The following RFC3 variants were observed in gnomAD, a reference collection of about 807,000 sequenced individuals.
RFC3 encodes the protein replication factor C subunit 3.
RFC3 carries 41 observed loss-of-function variants against 45.1 expected under a neutral mutation model. That is an observed-to-expected ratio of 0.91 (90% confidence interval 0.71 to 1.18). The LOEUF is 1.18. Among genes scored for constraint, RFC3 ranks in the 50% most tolerant of loss-of-function variants. RFC3 has a pLI of 0.00. For synonymous variants in RFC3, 149 were observed against 144.0 expected (o/e 1.03, Z -0.25); for missense variants, 423 against 428.1 (o/e 0.99, Z 0.10).
intron 8 of RFC3, among the ~76,000 whole-genome samples, chr13:33,960,994 C>A (rs1342132813): frequency 6.6e-6 from 1 of 152,206 alleles, no homozygotes; most frequent in East Asian, 1.9e-4. Flanking sequence ...CAGTGAAATC[C>A]AGGACACCCA....
intron 8 of RFC3, among the ~76,000 whole-genome samples, chr13:33,881,163 A>G (rs1157097210): frequency 6.6e-6 from 1 of 152,222 alleles, no homozygotes; most frequent in Non-Finnish European, 1.5e-5. Context: ...AAAATTTAGT[A>G]AGATGTTTTA....
intron 8 of RFC3, among the ~76,000 whole-genome samples, chr13:33,961,793 G>T (rs1425263433): frequency 6.6e-6 from 1 of 152,232 alleles, no homozygotes; most frequent in East Asian, 1.9e-4. Flanking sequence ...AGAGACCAGA[G>T]ATTGGAAATA....
At chr13:33,911,621 G>A (rs2082704233) in intron 8 of RFC3, among the ~76,000 whole-genome samples, 1 of 152,044 alleles carries the variant, frequency 6.6e-6, no homozygotes, top group Admixed American at 6.6e-5. Flanking sequence ...TCAGAACATG[G>A]TGAAGAAGGA....
chr13:33,938,294 T>G (rs1163437511), intron 8 of RFC3, among the ~76,000 whole-genome samples: 1 of 152,098 alleles, frequency 6.6e-6, no homozygotes, highest in East Asian at 1.9e-4. Flanking sequence ...GGCATATTCT[T>G]CACTTCCTCA....
intron 2 of RFC3, among the ~76,000 whole-genome samples, chr13:33,823,381 A>AT (rs1566376926): frequency 1.3e-5 from 2 of 152,174 alleles, no homozygotes; most frequent in Non-Finnish European, 2.9e-5. Context: ...CAGAAAACAA[A>AT]ATGTCCATCA....
chr13:33,859,865 C>G (rs2082329869), intron 8 of RFC3, among the ~76,000 whole-genome samples: 1 of 152,128 alleles, frequency 6.6e-6, no homozygotes, highest in Non-Finnish European at 1.5e-5. Context: ...CCATCACCCC[C>G]AAATTCATAT....
chr13:33,956,815 C>T (rs1365829505), intron 8 of RFC3, among the ~76,000 whole-genome samples: 1 of 152,108 alleles, frequency 6.6e-6, no homozygotes, highest in Non-Finnish European at 1.5e-5. Flanking sequence ...AAATTTAGAA[C>T]CTAATAAATA....
At chr13:33,902,009 A>G (rs1490178686) in intron 8 of RFC3, among the ~76,000 whole-genome samples, 1 of 152,056 alleles carries the variant, frequency 6.6e-6, no homozygotes, top group African/African-American at 2.4e-5. Context: ...CTATGGGTAC[A>G]TTTTTAAAAT....
chr13:33,957,523 A>G (rs972289529), intron 8 of RFC3, among the ~76,000 whole-genome samples: 1 of 152,126 alleles, frequency 6.6e-6, no homozygotes, highest in Non-Finnish European at 1.5e-5. Context: ...TGAATATTCT[A>G]CAAATGTGCA....
At chr13:33,954,076 CT>C (rs2083006496) in intron 8 of RFC3, among the ~76,000 whole-genome samples, 1 of 152,122 alleles carries the variant, frequency 6.6e-6, no homozygotes. Context: ...TTGTAATTTC[CT>C]TTCACCTAGC....
chr13:33,888,498 G>A (rs553346662), intron 8 of RFC3, among the ~76,000 whole-genome samples: 1 of 152,132 alleles, frequency 6.6e-6, no homozygotes, highest in East Asian at 1.9e-4. Flanking sequence ...TGCGGAAGCC[G>A]AGTAGCCACA....
At chr13:33,843,729 T>C (rs2082216858) in intron 8 of RFC3, among the ~76,000 whole-genome samples, 1 of 152,196 alleles carries the variant, frequency 6.6e-6, no homozygotes, top group African/African-American at 2.4e-5. Flanking sequence ...GGTGCCACTC[T>C]AATAAATTCA....
At chr13:33,843,967 G>A (rs2082218784) in intron 8 of RFC3, among the ~76,000 whole-genome samples, 1 of 152,136 alleles carries the variant, frequency 6.6e-6, no homozygotes, top group Non-Finnish European at 1.5e-5. Context: ...TCCTAATACG[G>A]TAGAGAAGCT....
intron 8 of RFC3, among the ~76,000 whole-genome samples, chr13:33,897,011 CA>C (rs573945380): frequency 8.4e-4 from 127 of 151,608 alleles, no homozygotes; most frequent in African/African-American, 2.8e-3. Flanking sequence ...TGAAAGAAAA[CA>C]AAAAAATTAA....
intron 8 of RFC3, among the ~76,000 whole-genome samples, chr13:33,924,659 G>C (rs1388868001): frequency 6.8e-6 from 1 of 148,080 alleles, no homozygotes; most frequent in Non-Finnish European, 1.5e-5. Flanking sequence ...ATCAATGTGT[G>C]TGTATATATA....
intron 8 of RFC3, among the ~76,000 whole-genome samples, chr13:33,869,931 G>A (rs777620331): frequency 6.6e-6 from 1 of 152,144 alleles, no homozygotes; most frequent in Non-Finnish European, 1.5e-5. Flanking sequence ...ACCTGATGCT[G>A]TACAAATCTC....
At chr13:33,862,271 T>TTTA (rs59014810) in intron 8 of RFC3, among the ~76,000 whole-genome samples, 1 of 151,844 alleles carries the variant, frequency 6.6e-6, no homozygotes, top group Non-Finnish European at 1.5e-5. Flanking sequence ...TTTTTTTTTT[T>TTTA]TGTCTGACAC....
chr13:33,846,536 ATC>A (rs2082238315), intron 8 of RFC3: 1 of 152,062 alleles, frequency 6.6e-6, no homozygotes, highest in African/African-American at 2.4e-5. Flanking sequence ...GAGGGAAGGA[ATC>A]TCTTCTGCAG....
chr13:33,961,198 C>T (rs1371500221), intron 8 of RFC3, among the ~76,000 whole-genome samples: 1 of 152,110 alleles, frequency 6.6e-6, no homozygotes, highest in Non-Finnish European at 1.5e-5. Context: ...GTCTCAAAGA[C>T]CCCTGCTTGC....
Sources: allele counts gnomAD v4.1 joint callset (sites outside exome capture counted in the v4.1 genomes callset), GRCh38; gene constraint gnomAD v4.1.1; transcripts MANE v1.5; gene names NCBI Gene and HGNC (gene_info 2026-07-23, HGNC 2026-07-21).